The following ARPC1A variants were observed in gnomAD, a reference collection of about 807,000 sequenced individuals.
ARPC1A encodes the protein actin-related protein 2/3 complex subunit 1A.
ARPC1A carries 8 observed loss-of-function variants against 46.9 expected under a neutral mutation model. The observed-to-expected ratio is 0.17, with a 90% CI of 0.10 to 0.31. The LOEUF is 0.31. Among genes scored for constraint, ARPC1A ranks in the 10% least tolerant of loss-of-function variants. The pLI is 1.00. For synonymous variants in ARPC1A, 152 were observed against 169.0 expected (o/e 0.90, Z 0.78); for missense variants, 286 against 483.6 (o/e 0.59, Z 3.83).
chr7:99,351,093 G>T (rs113517490), intron 5 of ARPC1A, among the ~76,000 whole-genome samples: 4 of 152,058 alleles, frequency 2.6e-5, no homozygotes, highest in African/African-American at 9.7e-5. Context: ...GAGTGTCAAG[G>T]CACTTTATAT....
At chr7:99,339,636 A>G (rs930473668) in intron 3 of ARPC1A, among the ~76,000 whole-genome samples, 4 of 152,206 alleles carry the variant, frequency 2.6e-5, no homozygotes, top group African/African-American at 9.6e-5. Context: ...TTTTGCATTC[A>G]TGATTGTTTC....
chr7:99,361,908 G>A (rs935522402), intron 8 of ARPC1A, among the ~76,000 whole-genome samples: 8 of 152,286 alleles, frequency 5.3e-5, no homozygotes, highest in East Asian at 3.9e-4. Context: ...CTGTGTTCCC[G>A]TCAAACTTTA....
At chr7:99,343,009 T>G (rs1216695647) in intron 3 of ARPC1A, among the ~76,000 whole-genome samples, 1 of 152,130 alleles carries the variant, frequency 6.6e-6, no homozygotes, top group Non-Finnish European at 1.5e-5. Flanking sequence ...GGCCTAACTC[T>G]TCAGTCACTA....
At chr7:99,342,238 C>G (rs1328709152) in intron 3 of ARPC1A, among the ~76,000 whole-genome samples, 1 of 152,102 alleles carries the variant, frequency 6.6e-6, no homozygotes, top group Non-Finnish European at 1.5e-5. Flanking sequence ...GTTTGCATCT[C>G]TAAAAGATAA....
chr7:99,334,127 G>T (rs148650960), intron 2 of ARPC1A, among the ~76,000 whole-genome samples: 1,514 of 151,396 alleles, frequency 0.01, 20 homozygotes, highest in African/African-American at 0.035. Flanking sequence ...TTGGGAGACC[G>T]AGGCGGGCAG....
At chr7:99,330,307 TTTTG>T (rs571934680) in intron 1 of ARPC1A, among the ~76,000 whole-genome samples, 5 of 149,006 alleles carry the variant, frequency 3.4e-5, no homozygotes, top group African/African-American at 9.8e-5. Flanking sequence ...CCCCCCCCCT[TTTTG>T]TTTGTTTGTT....
At chr7:99,354,520 C>CAA (rs149604532) in intron 6 of ARPC1A, among the ~76,000 whole-genome samples, 184 of 54,536 alleles carry the variant, frequency 3.4e-3, no homozygotes, top group Middle Eastern at 0.019. Context: ...GACTCCGTCT[C>CAA]AAAAAAAAAA....
At chr7:99,352,325 C>G (rs532199959) in intron 5 of ARPC1A, among the ~76,000 whole-genome samples, 1 of 151,996 alleles carries the variant, frequency 6.6e-6, no homozygotes, top group Admixed American at 6.6e-5. Context: ...AACCTGGCAC[C>G]CACAGCCTGA....
intron 6 of ARPC1A, among the ~76,000 whole-genome samples, chr7:99,354,364 T>TA (rs894432641): frequency 5.6e-5 from 8 of 142,250 alleles, no homozygotes; most frequent in African/African-American, 1.0e-4. Flanking sequence ...CTACTAAAAA[T>TA]AAAAAAAATT....
chr7:99,354,210 G>A (rs1793594275), intron 6 of ARPC1A, 89 bp downstream of exon 6: 1 of 1,405,964 alleles, frequency 7.1e-7, no homozygotes, highest in African/African-American at 1.4e-5. Flanking sequence ...TGGGGTGTTA[G>A]CACAGGGCAC....
Position 99,333,352 on chromosome 7 carries a change from T to A in ARPC1A, c.-2T>A, listed in dbSNP as rs1562795994. 7 of 1,612,914 alleles carry A rather than the reference T, an allele frequency of 4.3e-6. No individual in the cohort carries two copies. Among genetic ancestry groups the A allele is most frequent in the Non-Finnish European group, 5.9e-6 (7 of 1,179,058 alleles). ...TTCTCTCCTTTGAAAACACTAAGAA[T>A]AATGTCACTGCATCAGTTTTTACTA... On this transcript the variant is annotated 5_prime_UTR_variant, in exon 2 of 10. Coordinates refer to ENST00000262942, the MANE Select transcript of ARPC1A (RefSeq NM_006409.4).
chr7:99,362,452 C>T (rs558108925), intron 8 of ARPC1A, among the ~76,000 whole-genome samples: 1 of 149,592 alleles, frequency 6.7e-6, no homozygotes, highest in South Asian at 2.2e-4. Context: ...CTGCCTCAGC[C>T]TCCCAAGTAG....
intron 1 of ARPC1A, among the ~76,000 whole-genome samples, 155 bp downstream of exon 1, chr7:99,326,159 G>A (rs376531759): frequency 6.6e-6 from 1 of 152,154 alleles, no homozygotes; most frequent in Non-Finnish European, 1.5e-5. Context: ...CTCCTGAGGG[G>A]GCGGGGATCC....
chr7:99,336,552 C>T (rs1275151115), intron 2 of ARPC1A, among the ~76,000 whole-genome samples: 10 of 134,082 alleles, frequency 7.5e-5, no homozygotes, highest in East Asian at 2.4e-4. Flanking sequence ...AGTGCAGTGA[C>T]GTGATCTCGG....
rs1277902268 is a variant in ARPC1A, at chr7:99,366,015, A to G, written c.*86A>G. On this transcript the variant is annotated 3_prime_UTR_variant, in exon 10 of 10. Coordinates refer to ENST00000262942, the MANE Select transcript of ARPC1A (RefSeq NM_006409.4). ...GCACGATGGCGAGGAAGCCAGCCCC[A>G]AGGAAACACTGAAAACACATATCAC... The G allele has an allele frequency of 1.2e-5, 18 of 1,456,708 alleles. 1 individual carries two copies. In the Admixed American group the frequency reaches 2.8e-4, roughly 22 times the overall value. The allele number at this position is 1,456,708 out of a possible 1,614,324, so 90.2% of individuals were successfully genotyped here. A position where few individuals can be genotyped will look rare whatever the true frequency, so the allele number is the denominator to read the frequency against.
chr7:99,362,202 G>C (rs1374821416), intron 8 of ARPC1A, among the ~76,000 whole-genome samples: 2 of 151,758 alleles, frequency 1.3e-5, no homozygotes, highest in Non-Finnish European at 1.5e-5. Flanking sequence ...TCTGAGGCAG[G>C]AGAATCGCTT....
intron 7 of ARPC1A, 133 bp downstream of exon 7, chr7:99,358,548 T>C: frequency 1.2e-6 from 1 of 836,146 alleles, no homozygotes. Context: ...TTTTTTTTTT[T>C]TTTTTTTTTT....
In ARPC1A at chr7:99,338,256, A is replaced by T; in HGVS notation, c.140A>T (p.Glu47Val). Reference protein sequence around the residue: ...KNGSQWVKAHELKEHNGHITG... With the variant: ...KNGSQWVKAHVLKEHNGHITG... ...GGGAGCCAGTGGGTGAAAGCTCATG[A>T]ACTCAAGGAGCACAACGGACACATC... The change falls in exon 3 of 10, where the codon GAA (glutamate) becomes GTA (valine). Residue 47 changes from glutamate to valine, a missense_variant. Around this residue, in one of 5 missense-constraint regions of ARPC1A, gnomAD observed 55 missense variants for 59.4 expected, o/e 0.93. Transcript: ENST00000262942. 6.2e-7 allele frequency: 1 copy of T among 1,612,290 alleles called. No individual in the cohort carries two copies. Among genetic ancestry groups the T allele is most frequent in the Non-Finnish European group, 8.5e-7 (1 of 1,178,766 alleles).
At chr7:99,338,622 G>T (rs932153313) in intron 3 of ARPC1A, among the ~76,000 whole-genome samples, 1 of 151,940 alleles carries the variant, frequency 6.6e-6, no homozygotes. Flanking sequence ...CTGACCTCGT[G>T]ATCCTCCTGC....
Sources: gnomAD v4.1 joint callset for allele counts (sites outside exome capture counted in the v4.1 genomes callset) on GRCh38, gnomAD v4.1.1 for gene constraint, gnomAD v4.1.1 regional missense constraint, MANE v1.5 for transcripts, NCBI Gene and HGNC (gene_info 2026-07-23, HGNC 2026-07-21) for gene names.